Variants in CNTLN observed in about 807,000 individuals in gnomAD.
CNTLN encodes centlein, also known as centlein, centrosomal protein.
Under a neutral mutation model 180.0 loss-of-function variants are expected in CNTLN, and 212 were observed. The ratio of observed to expected loss-of-function variants is 1.18; its 90% CI spans 1.05 to 1.32. The LOEUF is 1.32. Among genes scored for constraint, CNTLN ranks in the 40% most tolerant of loss-of-function variants. CNTLN has a pLI of 0.00. For missense variants in CNTLN, 2,095 were observed against 1,610.9 expected (o/e 1.30, Z -5.14); for synonymous variants, 722 against 563.1 (o/e 1.28, Z -3.99).
chr9:17,441,480 C>G (rs1247743783), intron 18 of CNTLN, among the ~76,000 whole-genome samples: 1 of 151,276 alleles, frequency 6.6e-6, no homozygotes, highest in Non-Finnish European at 1.5e-5. Context: ...TTGTTATGAG[C>G]TTAAAAGATT....
intron 6 of CNTLN, among the ~76,000 whole-genome samples, chr9:17,276,765 A>C (rs1208555807): frequency 6.6e-6 from 1 of 152,108 alleles, no homozygotes; most frequent in Non-Finnish European, 1.5e-5. Flanking sequence ...GTATACTTCA[A>C]ATCTTTAGAT....
intron 12 of CNTLN, among the ~76,000 whole-genome samples, chr9:17,350,105 A>T (rs186575843): frequency 2.0e-5 from 3 of 152,332 alleles, no homozygotes; most frequent in Admixed American, 1.3e-4. Flanking sequence ...CTTCCAAGTG[A>T]AAGTATTAGT....
chr9:17,472,476 C>T (rs1832087477), intron 23 of CNTLN, among the ~76,000 whole-genome samples: 1 of 152,084 alleles, frequency 6.6e-6, no homozygotes, highest in Non-Finnish European at 1.5e-5. Flanking sequence ...CATCCAATCC[C>T]CTATTGGATA....
At chr9:17,348,532 C>CTTTTT (rs35021719) in intron 12 of CNTLN, among the ~76,000 whole-genome samples, 2 of 141,004 alleles carry the variant, frequency 1.4e-5, no homozygotes, top group Non-Finnish European at 3.1e-5. Flanking sequence ...TTCTTTCTTT[C>CTTTTT]TTTTTTTTTT....
intron 8 of CNTLN, among the ~76,000 whole-genome samples, chr9:17,310,159 C>G (rs914839383): frequency 6.6e-6 from 1 of 152,056 alleles, no homozygotes. Context: ...ACCAACTTAT[C>G]CAAAGACTAG....
At chr9:17,519,563 A>G in the CNTLN span, among the ~76,000 whole-genome samples, 2 of 152,354 alleles carry the variant, frequency 1.3e-5, no homozygotes, top group African/African-American at 4.8e-5. Context: ...GAACTGTTGT[A>G]AATACATGGG....
At chr9:17,339,631 C>T (rs141490269) in intron 10 of CNTLN, among the ~76,000 whole-genome samples, 88 of 152,192 alleles carry the variant, frequency 5.8e-4, no homozygotes, top group African/African-American at 1.7e-3. Context: ...TATCTGTTGC[C>T]TCCACCACAT....
chr9:17,288,337 C>T (rs1829129301), intron 6 of CNTLN, among the ~76,000 whole-genome samples: 1 of 117,892 alleles, frequency 8.5e-6, no homozygotes. Flanking sequence ...ATTCTTAATC[C>T]TGAGTTCTAG....
chr9:17,508,532 C>G (rs1256971471), downstream of CNTLN, among the ~76,000 whole-genome samples: 1 of 152,120 alleles, frequency 6.6e-6, no homozygotes, highest in African/African-American at 2.4e-5. Context: ...GTTCCATCAG[C>G]ACAAAGACTA....
chr9:17,332,936 T>C (rs758618914), intron 10 of CNTLN, among the ~76,000 whole-genome samples: 20 of 152,102 alleles, frequency 1.3e-4, no homozygotes, highest in Non-Finnish European at 2.5e-4. Context: ...AAAGTAAATG[T>C]TTATTTACTA....
chr9:17,287,467 T>C (rs879743792), intron 6 of CNTLN, among the ~76,000 whole-genome samples: 3 of 151,162 alleles, frequency 2.0e-5, no homozygotes, highest in Non-Finnish European at 3.0e-5. Context: ...TCTAAAATTC[T>C]CTTTTTTGGT....
intron 12 of CNTLN, among the ~76,000 whole-genome samples, chr9:17,358,975 A>G (rs999786850): frequency 2.4e-4 from 36 of 152,140 alleles, no homozygotes; most frequent in African/African-American, 8.2e-4. Context: ...CATCTTTGTG[A>G]CTTTGTAGTA....
rs576113767 is a variant in CNTLN at position 17,339,775 on chromosome 9, T to C, written c.1645-1052T>C. ...CAGTTTATAGTCATGTGCATATATCTTCTGAGGACTAAGAATTTCGTCTTT... is the reference window on the plus strand; with the variant it reads ...CAGTTTATAGTCATGTGCATATATCCTCTGAGGACTAAGAATTTCGTCTTT... On this transcript the variant is annotated intron_variant, in intron 10 of 25. Transcript: ENST00000380647. Among the ~76,000 whole-genome samples the C allele has an allele frequency of 1.4e-3, 219 of 152,346 alleles. 1 individual carries two copies. Among genetic ancestry groups the C allele is most frequent in the Non-Finnish European group, 2.7e-3 (182 of 68,022 alleles).
intron 2 of CNTLN, among the ~76,000 whole-genome samples, chr9:17,196,692 A>G (rs1822154726): frequency 6.6e-6 from 1 of 151,032 alleles, no homozygotes. Flanking sequence ...GTAATAATAC[A>G]TTTTTAATAT....
At chr9:17,490,551 A>G (rs908474220) in intron 25 of CNTLN, among the ~76,000 whole-genome samples, 17 of 152,072 alleles carry the variant, frequency 1.1e-4, no homozygotes, top group Non-Finnish European at 1.9e-4. Flanking sequence ...AAATTTATAG[A>G]CAGTATGTTT....
intron 21 of CNTLN, 145 bp from the exon 22 acceptor site, chr9:17,465,836 G>A: frequency 3.2e-6 from 2 of 623,726 alleles, no homozygotes; most frequent in East Asian, 3.2e-5. Context: ...TATGAGTTCT[G>A]TAAGTATAAT....
chr9:17,457,618 A>G lies in CNTLN; in HGVS notation c.3209A>G (p.Glu1070Gly). 6.4e-7 allele frequency: 1 copy of G among 1,568,324 alleles called. No individual in the cohort carries two copies. Among genetic ancestry groups the G allele is most frequent in the Non-Finnish European group, 8.7e-7 (1 of 1,155,262 alleles). Residue 1070 changes from glutamate to glycine, a missense_variant, in exon 19 of 26, where the codon GAA (glutamate) becomes GGA (glycine). By Grantham distance (98) the Glu-to-Gly change is moderately conservative. Transcript: ENST00000380647. ...TCTGAAATCACAAGTTTGGCAGAAG[A>G]AAATTCCCAGGTAACATTTCCACGG... ...SSSEITSLAE[E>G]NSQVTFPRIQ...
At chr9:17,437,831 A>G (rs1195046205) in intron 18 of CNTLN, among the ~76,000 whole-genome samples, 2 of 152,174 alleles carry the variant, frequency 1.3e-5, no homozygotes, top group Admixed American at 6.5e-5. Context: ...GTGTGTGTGT[A>G]TATATAACAT....
intron 18 of CNTLN, among the ~76,000 whole-genome samples, chr9:17,453,133 A>G (rs574944443): frequency 6.0e-4 from 91 of 152,144 alleles, no homozygotes; most frequent in African/African-American, 2.1e-3. Context: ...GCAACACAGC[A>G]AGATCCCATA....
Sources: gnomAD v4.1 joint callset for allele counts (sites outside exome capture counted in the v4.1 genomes callset) on GRCh38, gnomAD v4.1.1 for gene constraint, MANE v1.5 for transcripts, NCBI Gene and HGNC (gene_info 2026-07-23, HGNC 2026-07-21) for gene names.